BMERB1: variants seen among roughly 807,000 people sequenced by gnomAD.
The protein encoded by BMERB1 is bMERB domain containing 1, also known as bMERB domain-containing protein 1.
BMERB1 carries 12 observed loss-of-function variants against 23.6 expected under a neutral mutation model. The ratio of observed to expected loss-of-function variants is 0.51; its 90% CI spans 0.33 to 0.82. The LOEUF is 0.82. BMERB1 is among the 40% of genes least tolerant of loss of function. The pLI is 0.03. For synonymous variants in BMERB1, 122 were observed against 96.6 expected (o/e 1.26, Z -1.54); for missense variants, 247 against 255.4 (o/e 0.97, Z 0.22).
At chr16:15,481,263 A>G (rs1019332469) in intron 1 of BMERB1, among the ~76,000 whole-genome samples, 34 of 152,170 alleles carry the variant, frequency 2.2e-4, no homozygotes, top group Admixed American at 2.2e-3. Flanking sequence ...ACAGTGGCTC[A>G]TGCCTGTAAT....
intron 2 of BMERB1, among the ~76,000 whole-genome samples, chr16:15,538,271 G>A (rs1256776488): frequency 2.0e-5 from 3 of 152,142 alleles, no homozygotes; most frequent in African/African-American, 7.2e-5. Context: ...GGCCAACATG[G>A]TGAAACACCA....
intron 1 of BMERB1, among the ~76,000 whole-genome samples, chr16:15,437,138 A>G (rs554281773): frequency 2.6e-5 from 4 of 152,226 alleles, no homozygotes; most frequent in African/African-American, 9.6e-5. Context: ...TCCTAAGTCT[A>G]TTGAGATAGT....
chr16:15,572,195 T>G (rs754269084), intron 3 of BMERB1, among the ~76,000 whole-genome samples: 4 of 152,192 alleles, frequency 2.6e-5, no homozygotes, highest in Admixed American at 6.5e-5. Flanking sequence ...TTAATTTCTC[T>G]GAGCCTTGAA....
intron 2 of BMERB1, among the ~76,000 whole-genome samples, chr16:15,516,738 G>A (rs1302114223): frequency 6.6e-6 from 1 of 152,190 alleles, no homozygotes; most frequent in Non-Finnish European, 1.5e-5. Context: ...TGAGGAGACT[G>A]AGGCTTGAAG....
At chr16:15,455,180 C>A (rs928439848) in intron 1 of BMERB1, among the ~76,000 whole-genome samples, 1 of 151,592 alleles carries the variant, frequency 6.6e-6, no homozygotes, top group Non-Finnish European at 1.5e-5. Context: ...AGACATTAGC[C>A]GGGCGTGGTG....
At chr16:15,511,305 T>A (rs1335235269) in intron 1 of BMERB1, among the ~76,000 whole-genome samples, 2 of 152,010 alleles carry the variant, frequency 1.3e-5, no homozygotes, top group Non-Finnish European at 2.9e-5. Flanking sequence ...CTCCTCTCCC[T>A]CCACTGTGTC....
intron 2 of BMERB1, among the ~76,000 whole-genome samples, chr16:15,551,786 C>T (rs747027241): frequency 2.0e-5 from 3 of 152,118 alleles, no homozygotes; most frequent in Non-Finnish European, 4.4e-5. Context: ...TCATGGCAGA[C>T]GGCGAAGGGA....
intron 2 of BMERB1, among the ~76,000 whole-genome samples, chr16:15,530,608 C>G (rs1342171995): frequency 6.6e-6 from 1 of 151,934 alleles, no homozygotes; most frequent in East Asian, 1.9e-4. Flanking sequence ...TGACATAGTT[C>G]GGCTGTGTCC....
chr16:15,434,866 C>T (rs1484681807), intron 1 of BMERB1, 107 bp downstream of exon 1: 5 of 937,852 alleles, frequency 5.3e-6, no homozygotes, highest in South Asian at 1.7e-5. Context: ...CCCAGGGAAG[C>T]GCCCCCGCAG....
At chr16:15,530,697 CAT>C (rs1331656215) in intron 2 of BMERB1, among the ~76,000 whole-genome samples, 2 of 152,100 alleles carry the variant, frequency 1.3e-5, no homozygotes, top group Non-Finnish European at 2.9e-5. Context: ...GTAATTCAAT[CAT>C]GTGGGTGGTT....
chr16:15,529,983 G>C (rs548250409), intron 2 of BMERB1, among the ~76,000 whole-genome samples: 1 of 152,312 alleles, frequency 6.6e-6, no homozygotes, highest in Admixed American at 6.5e-5. Context: ...TGGCAGAGCC[G>C]TGCTTTCTGG....
At chr16:15,474,134 A>C (rs1008312468) in intron 1 of BMERB1, among the ~76,000 whole-genome samples, 3 of 151,778 alleles carry the variant, frequency 2.0e-5, no homozygotes, top group African/African-American at 7.3e-5. Flanking sequence ...AAAAAAAAAA[A>C]AAAGTTTTAT....
rs540234827 is a variant in BMERB1, at chr16:15,546,863, C to G, written c.231-21120C>G. ...GAGGCCTGGGGAGTTTCTTCACACC[C>G]CCAATAAAACTTGTTTAATCCTAAA... On this transcript the variant is annotated intron_variant, in intron 2 of 5. Transcript: ENST00000300006. Among the ~76,000 whole-genome samples the G allele has an allele frequency of 7.3e-4, 111 of 152,204 alleles. 3 individuals carry two copies. In the South Asian group the frequency reaches 0.016, roughly 22 times the overall value.
intron 1 of BMERB1, among the ~76,000 whole-genome samples, chr16:15,509,361 T>C (rs1012267764): frequency 6.6e-6 from 1 of 151,070 alleles, no homozygotes; most frequent in African/African-American, 2.4e-5. Flanking sequence ...GAGCACAAGC[T>C]GGGTTTGAAT....
intron 1 of BMERB1, among the ~76,000 whole-genome samples, chr16:15,491,628 T>G (rs2051421424): frequency 1.3e-5 from 2 of 152,188 alleles, no homozygotes; most frequent in South Asian, 4.1e-4. Context: ...CTTCCTCATT[T>G]TGCTCCACCC....
chr16:15,463,875 T>TA (rs35187562), intron 1 of BMERB1, among the ~76,000 whole-genome samples: 49,454 of 142,990 alleles, frequency 0.35, 9,110 homozygotes, highest in East Asian at 0.56. Context: ...GTGTATGCTT[T>TA]AAAAAAAAAA....
At chr16:15,450,297 C>T (rs2051030644) in intron 1 of BMERB1, among the ~76,000 whole-genome samples, 1 of 151,862 alleles carries the variant, frequency 6.6e-6, no homozygotes, top group Admixed American at 6.6e-5. Flanking sequence ...TGTTTTCCCA[C>T]AGCCATTTGA....
At chr16:15,459,462 G>A (rs1158292619) in intron 1 of BMERB1, among the ~76,000 whole-genome samples, 1 of 152,024 alleles carries the variant, frequency 6.6e-6, no homozygotes, top group African/African-American at 2.4e-5. Flanking sequence ...GCAAGCATAA[G>A]AGAGCAGGAG....
intron 3 of BMERB1, among the ~76,000 whole-genome samples, chr16:15,573,151 G>A (rs2030773309): frequency 6.6e-6 from 1 of 152,124 alleles, no homozygotes; most frequent in South Asian, 2.1e-4. Context: ...TTTTTGCAGT[G>A]GTAAAAAGGA....
Sources: allele counts gnomAD v4.1 joint callset (sites outside exome capture counted in the v4.1 genomes callset), GRCh38; gene constraint gnomAD v4.1.1; transcripts MANE v1.5; gene names NCBI Gene and HGNC (gene_info 2026-07-23, HGNC 2026-07-21).